The following VWC2 variants were observed in gnomAD, a reference collection of about 807,000 sequenced individuals.
VWC2 encodes the protein brorin.
In VWC2, 14 loss-of-function variants were observed where a neutral mutation model predicts 29.8. That is an observed-to-expected ratio of 0.47 (90% CI 0.31 to 0.74). VWC2 has a LOEUF of 0.74. Ranked by LOEUF, VWC2 falls within the 30% of genes least tolerant of loss-of-function variation. The probability of loss-of-function intolerance (pLI) is 0.05; values close to 1 mark genes in which losing one functional copy is unlikely to be tolerated. For synonymous variants in VWC2, 213 were observed against 199.0 expected, an observed-to-expected ratio of 1.07 and a Z score of -0.59; for missense variants, 457 against 459.8, an observed-to-expected ratio of 0.99 and a Z score of 0.05.
intron 3 of VWC2, among the ~76,000 whole-genome samples, chr7:49,847,324 C>T (rs1259461349): frequency 6.6e-6 from 1 of 151,924 alleles, no homozygotes; most frequent in African/African-American, 2.4e-5. Flanking sequence ...CTTTAATCCT[C>T]TATTTCTGAA....
rs888405820 is a variant in VWC2, at chr7:49,775,739, G to C, written c.304G>C (p.Gly102Arg). 2 of 1,511,916 alleles carry C rather than the reference G, an allele frequency of 1.3e-6. No homozygotes were observed. Among genetic ancestry groups the C allele is most frequent in the Non-Finnish European group, 1.8e-6 (2 of 1,133,322 alleles). The allele number at this position is 1,511,916 out of a possible 1,614,324, so 93.7% of individuals were successfully genotyped here. A position where few individuals can be genotyped will look rare whatever the true frequency, so the allele number is the denominator to read the frequency against. The change falls in exon 2 of 4, where the codon GGG becomes CGG. Residue 102 changes from glycine to arginine, a missense_variant. This residue lies in a region of VWC2 where 272 missense variants were observed against 202.7 expected (regional missense o/e 1.34). Transcript: ENST00000340652. ...GAAGCAGGCCTGGGTCTCCCAGGGC[G>C]GGGGCGCCAAGGCCGGGGATCTGCA... is the stretch of plus-strand genomic sequence containing the variant. Reference protein sequence around the residue: ...KLKQAWVSQGGGAKAGDLQVR... With the variant: ...KLKQAWVSQGRGAKAGDLQVR...
chr7:49,798,437 ACGGCTGGAGCCACGG>A lies in VWC2; in HGVS notation c.697-4272_697-4258del, dbSNP rs550760975. On this transcript the variant is annotated intron_variant, in intron 2 of 3. Transcript: ENST00000340652. ...AAGCCTCATGTCAAAGCTAGAACCC[ACGGCTGGAGCCACGG>A]CTGCAGCTTCCATCTGCTCCTTGGC... 6.6e-5 allele frequency among the ~76,000 whole-genome samples: 10 copies of A among 152,338 alleles called. No individual in the cohort carries two copies. The South Asian group carries it at 2.1e-3, about 32-fold the overall frequency.
chr7:49,846,361 C>A (rs746060489), intron 3 of VWC2, among the ~76,000 whole-genome samples: 2 of 152,338 alleles, frequency 1.3e-5, no homozygotes, highest in Non-Finnish European at 2.9e-5. Context: ...GGTCTCTTAA[C>A]AGCTGTCCAC....
rs757640890 is a variant in VWC2 at position 49,802,727 on chromosome 7, G to A, written c.713G>A (p.Arg238Lys). Reference protein sequence around the residue: ...LEEFVVSPCERCRCEANGEVL... With the variant: ...LEEFVVSPCEKCRCEANGEVL... ...GTGTTTCAGGTGTCTCCATGCGAGA[G>A]GTGTCGCTGTGAAGCCAACGGTGAG... Residue 238 changes from arginine to lysine, a missense_variant, in exon 3 of 4, where the codon AGG becomes AAG. Arg to Lys is a conservative substitution (Grantham distance 26). Around this residue, in one of 2 missense-constraint regions of VWC2, gnomAD observed 185 missense variants for 257.1 expected, o/e 0.72. Coordinates refer to ENST00000340652, the MANE Select transcript of VWC2 (RefSeq NM_198570.5). 4 of 1,614,232 alleles carry A rather than the reference G, an allele frequency of 2.5e-6. No homozygotes were observed. Among genetic ancestry groups the A allele is most frequent in the East Asian group, 4.5e-5 (2 of 44,886 alleles).
At chr7:49,827,742 CT>C (rs932425499) in intron 3 of VWC2, among the ~76,000 whole-genome samples, 3 of 152,044 alleles carry the variant, frequency 2.0e-5, no homozygotes, top group African/African-American at 7.2e-5. Flanking sequence ...TGTCTCACCT[CT>C]TTTTTAGGGG....
intron 2 of VWC2, among the ~76,000 whole-genome samples, chr7:49,784,191 T>G (rs1261542896): frequency 1.3e-5 from 2 of 152,230 alleles, no homozygotes; most frequent in East Asian, 3.8e-4. Context: ...AGGAAGAGCT[T>G]CTAGTGTAGT....
At chr7:49,787,130 C>T (rs889597271) in intron 2 of VWC2, among the ~76,000 whole-genome samples, 38 of 152,120 alleles carry the variant, frequency 2.5e-4, no homozygotes, top group Admixed American at 2.4e-3. Flanking sequence ...CAGCCATGGG[C>T]AATTTTTCCT....
chr7:49,789,782 T>C (rs546301891), intron 2 of VWC2, among the ~76,000 whole-genome samples: 125 of 152,346 alleles, frequency 8.2e-4, no homozygotes, highest in South Asian at 2.9e-3. Context: ...TTCTTTCTCT[T>C]ACGGGCTTAA....
At chr7:49,878,091 C>G (rs1311371282) in intron 3 of VWC2, among the ~76,000 whole-genome samples, 1 of 152,100 alleles carries the variant, frequency 6.6e-6, no homozygotes, top group Non-Finnish European at 1.5e-5. Flanking sequence ...CTGTTGCAGT[C>G]TGTCCCCTTG....
At chr7:49,796,257 A>G (rs755206920) in intron 2 of VWC2, among the ~76,000 whole-genome samples, 1 of 152,240 alleles carries the variant, frequency 6.6e-6, no homozygotes, top group Non-Finnish European at 1.5e-5. Context: ...AATTAACTCC[A>G]TCTATGAAAC....
intron 3 of VWC2, among the ~76,000 whole-genome samples, chr7:49,812,468 T>C (rs1483539465): frequency 1.3e-5 from 2 of 152,216 alleles, no homozygotes; most frequent in Non-Finnish European, 1.5e-5. Context: ...CTGATGTCTT[T>C]AATAGCTTTA....
intron 3 of VWC2, among the ~76,000 whole-genome samples, chr7:49,868,672 C>T (rs2128722513): frequency 6.6e-6 from 1 of 152,314 alleles, no homozygotes; most frequent in Admixed American, 6.5e-5. Flanking sequence ...GGCTGAAGTG[C>T]AATGGCACGA....
chr7:49,822,870 C>A (rs1562718923), intron 3 of VWC2, among the ~76,000 whole-genome samples: 1 of 152,188 alleles, frequency 6.6e-6, no homozygotes, highest in African/African-American at 2.4e-5. Context: ...TTGAGCAGTG[C>A]TCGCTTGTAT....
At chr7:49,889,705 A>G (rs1008568885) in intron 3 of VWC2, among the ~76,000 whole-genome samples, 46 of 152,228 alleles carry the variant, frequency 3.0e-4, no homozygotes, top group African/African-American at 1.1e-3. Flanking sequence ...GCCAGTGACC[A>G]CTGAAATTGT....
At chr7:49,888,161 A>AT (rs34013819) in intron 3 of VWC2, among the ~76,000 whole-genome samples, 20 of 152,162 alleles carry the variant, frequency 1.3e-4, no homozygotes, top group Admixed American at 2.0e-4. Flanking sequence ...AATGGCAATT[A>AT]TTTTTTTCTG....
intron 2 of VWC2, among the ~76,000 whole-genome samples, chr7:49,792,787 G>C (rs1466072954): frequency 2.0e-5 from 3 of 152,156 alleles, no homozygotes; most frequent in Non-Finnish European, 2.9e-5. Context: ...CCTCCTCCCT[G>C]GGGAAGCCTC....
chr7:49,815,463 T>C (rs1183067723), intron 3 of VWC2, among the ~76,000 whole-genome samples: 1 of 152,214 alleles, frequency 6.6e-6, no homozygotes, highest in East Asian at 1.9e-4. Context: ...GTATAAAGCC[T>C]CTGATTTTAT....
intron 3 of VWC2, among the ~76,000 whole-genome samples, chr7:49,894,451 C>T (rs747249674): frequency 6.6e-5 from 10 of 152,238 alleles, no homozygotes; most frequent in Non-Finnish European, 4.4e-5. Flanking sequence ...TCAACACAGT[C>T]TTCCTATGGC....
chr7:49,815,327 CT>C (rs1345027623), intron 3 of VWC2, among the ~76,000 whole-genome samples: 3 of 152,040 alleles, frequency 2.0e-5, no homozygotes, highest in South Asian at 2.1e-4. Flanking sequence ...TGTATATGGC[CT>C]TTTTTGCCTT....
Sources: allele counts gnomAD v4.1 joint callset (sites outside exome capture counted in the v4.1 genomes callset), GRCh38; gene constraint gnomAD v4.1.1; regional missense constraint gnomAD v4.1.1; transcripts MANE v1.5; gene names NCBI Gene and HGNC (gene_info 2026-07-23, HGNC 2026-07-21).